Variants in IQSEC1 observed in about 807,000 individuals in gnomAD.
IQSEC1 encodes the protein IQ motif and SEC7 domain-containing protein 1.
IQSEC1 carries 31 observed loss-of-function variants against 91.0 expected under a neutral mutation model. The ratio of observed to expected loss-of-function variants is 0.34; its 90% CI spans 0.26 to 0.46. The LOEUF (loss-of-function observed/expected upper bound fraction) is 0.46, where lower values mean the gene tolerates loss of function less well. Among genes scored for constraint, IQSEC1 ranks in the 20% least tolerant of loss-of-function variants. The pLI, the probability that IQSEC1 is intolerant of heterozygous loss-of-function variation, is 1.00. For synonymous variants in IQSEC1, 699 were observed against 662.6 expected (o/e 1.05, Z -0.84); for missense variants, 1,388 against 1,575.6 (o/e 0.88, Z 2.02).
intron 2 of IQSEC1, among the ~76,000 whole-genome samples, chr3:13,120,415 T>C (rs1302624044): frequency 6.6e-6 from 1 of 152,142 alleles, no homozygotes; most frequent in East Asian, 1.9e-4. Context: ...AGGGCAAGGA[T>C]GGAGGAAAGG....
chr3:13,070,307 G>A (rs462229), intron 1 of IQSEC1, among the ~76,000 whole-genome samples: 78,515 of 152,036 alleles, frequency 0.52, 20,501 homozygotes, highest in East Asian at 0.66. Flanking sequence ...TCTGTAAAAC[G>A]GGATCGACAG....
intron 2 of IQSEC1, among the ~76,000 whole-genome samples, chr3:13,101,355 T>C (rs1465772229): frequency 6.8e-6 from 1 of 146,832 alleles, no homozygotes; most frequent in Non-Finnish European, 1.5e-5. Context: ...GTGGCGGGCG[T>C]CTCCAATGAG....
chr3:12,908,654 T>C lies in IQSEC1; in HGVS notation c.2579-129A>G. ...GCTTGGAATGGGGAAGGGTTGTTTC[T>C]GGGAAAGAGGGTGTGATGGCCACCC... On this transcript the variant is annotated intron_variant, in intron 11 of 13. Coordinates refer to ENST00000613206, the MANE Select transcript of IQSEC1 (RefSeq NM_001134382.3). The surrounding 1 kb of genome is among the most constrained non-coding windows in gnomAD (Gnocchi z 4.9). 9.6e-7 allele frequency: 1 copy of C among 1,037,962 alleles called. No individual in the cohort carries two copies. The highest frequency in any genetic ancestry group is 1.5e-5 in the South Asian group (1 of 67,844). The allele number at this position is 1,037,962 out of a possible 1,614,324, so 64.3% of individuals were successfully genotyped here.
chr3:13,257,278 G>A (rs1695306722), intron 1 of IQSEC1, among the ~76,000 whole-genome samples: 1 of 152,174 alleles, frequency 6.6e-6, no homozygotes, highest in African/African-American at 2.4e-5. Flanking sequence ...CCCCTGAGAA[G>A]CTTCCCCAGT....
intron 1 of IQSEC1, among the ~76,000 whole-genome samples, chr3:13,186,453 G>A (rs1290547048): frequency 2.0e-5 from 3 of 152,180 alleles, no homozygotes; most frequent in Admixed American, 6.5e-5. Flanking sequence ...GAAAGAAGTC[G>A]GCTGGGAGTG....
In IQSEC1 at chr3:13,126,407, G is replaced by T. The variant is rs116529093; in HGVS notation, c.302+37697C>A. Among the ~76,000 whole-genome samples, 369 of 152,288 alleles carry T rather than the reference G, an allele frequency of 2.4e-3. 5 individuals are homozygous for T. The highest frequency in any genetic ancestry group is 8.7e-3 in the African/African-American group (361 of 41,550). On this transcript the variant is annotated intron_variant, in intron 2 of 15. Coordinates refer to the IQSEC1 transcript ENST00000648114. ...CCACTGTACGGATGTCCTACCCCTC[G>T]CTTATCCTTTAGCCCTTTGAGGGGT... is the stretch of plus-strand genomic sequence containing the variant.
Position 12,915,138 on chromosome 3 carries a change from G to A in IQSEC1, c.2161-5C>T, listed in dbSNP as rs199956856. ...CCCGGGATGCAGGGATCCGATCTGC[G>A]GGAGAATGTGAAACCAACAAAAGGG... On this transcript the variant is annotated splice_polypyrimidine_tract_variant and splice_region_variant and intron_variant, in intron 7 of 13. Transcript: ENST00000613206. 2.2e-5 allele frequency: 35 copies of A among 1,608,334 alleles called. No individual in the cohort carries two copies. Among genetic ancestry groups the A allele is most frequent in the African/African-American group, 2.7e-5 (2 of 74,920 alleles).
At chr3:13,006,339 C>T (rs1702634377) in intron 1 of IQSEC1, among the ~76,000 whole-genome samples, 2 of 152,168 alleles carry the variant, frequency 1.3e-5, no homozygotes, top group Admixed American at 6.5e-5. Flanking sequence ...GATTGGGGCA[C>T]GTGGAGGGAA....
At chr3:13,062,549 C>T (rs962842938) in intron 1 of IQSEC1, among the ~76,000 whole-genome samples, 3 of 152,108 alleles carry the variant, frequency 2.0e-5, no homozygotes, top group African/African-American at 7.2e-5. Flanking sequence ...TGATTACCCC[C>T]AGATCTTGGA....
intron 1 of IQSEC1, among the ~76,000 whole-genome samples, chr3:13,171,110 A>AAAC (rs1553571275): frequency 1.7e-4 from 25 of 150,760 alleles, no homozygotes; most frequent in African/African-American, 6.2e-4. Context: ...AAAAAAACAA[A>AAAC]AAAAACAAAA....
At chr3:13,089,623 G>A (rs1559252712) in intron 2 of IQSEC1, among the ~76,000 whole-genome samples, 1 of 152,162 alleles carries the variant, frequency 6.6e-6, no homozygotes, top group Non-Finnish European at 1.5e-5. Context: ...ACCGATATAT[G>A]TGGCAACATG....
intron 2 of IQSEC1, among the ~76,000 whole-genome samples, chr3:13,133,926 C>T (rs774598507): frequency 3.5e-4 from 53 of 152,302 alleles, no homozygotes; most frequent in Non-Finnish European, 8.8e-5. Flanking sequence ...GCATTTGCTG[C>T]GGGAAGACAC....
intron 1 of IQSEC1, among the ~76,000 whole-genome samples, chr3:13,012,469 AT>A (rs1463973691): frequency 6.6e-6 from 1 of 152,136 alleles, no homozygotes; most frequent in Non-Finnish European, 1.5e-5. Context: ...ATGTGTAGTC[AT>A]TTCCTCTTTT....
At chr3:13,215,290 G>A (rs560567719) in intron 1 of IQSEC1, among the ~76,000 whole-genome samples, 50 of 151,248 alleles carry the variant, frequency 3.3e-4, no homozygotes, top group Non-Finnish European at 6.9e-4. Context: ...AAATCCACAC[G>A]GCTGCCTGAT....
chr3:13,158,898 G>GT (rs1273151893), intron 2 of IQSEC1, among the ~76,000 whole-genome samples: 1 of 152,050 alleles, frequency 6.6e-6, no homozygotes, highest in African/African-American at 2.4e-5. Context: ...GGAGGCGGAG[G>GT]TTGCAGTGAG....
chr3:13,240,090 C>G (rs1238564272), intron 1 of IQSEC1, among the ~76,000 whole-genome samples: 2 of 151,946 alleles, frequency 1.3e-5, no homozygotes, highest in Non-Finnish European at 2.9e-5. Flanking sequence ...AAAAACAAAC[C>G]TTGGCCGGCC....
intron 1 of IQSEC1, among the ~76,000 whole-genome samples, chr3:12,945,217 G>C (rs574562441): frequency 6.6e-6 from 1 of 152,136 alleles, no homozygotes; most frequent in Non-Finnish European, 1.5e-5. Flanking sequence ...GGATAGGATT[G>C]CAATGGTGGT....
At chr3:13,156,064 C>T (rs1209656865) in intron 2 of IQSEC1, among the ~76,000 whole-genome samples, 2 of 129,872 alleles carry the variant, frequency 1.5e-5, no homozygotes, top group South Asian at 2.5e-4. Context: ...ACTAAAAATA[C>T]AAAAAAAAAA....
rs573950422 is a variant in IQSEC1, at chr3:13,179,591, T to C, written c.273-15458A>G. On this transcript the variant is annotated intron_variant, in intron 1 of 15. Transcript: ENST00000648114. ...TTCAAAATGAGAGGTGACAGCGTGCTGGCAGTCCTCACAGCCCTCGCTCGC... is the reference window on the plus strand; with the variant it reads ...TTCAAAATGAGAGGTGACAGCGTGCCGGCAGTCCTCACAGCCCTCGCTCGC... Among the ~76,000 whole-genome samples the C allele has an allele frequency of 4.5e-4, 69 of 152,394 alleles. 1 individual carries two copies. The highest frequency in any genetic ancestry group is 1.6e-4 in the Non-Finnish European group (11 of 68,032).
Sources: gnomAD v4.1 joint callset for allele counts (sites outside exome capture counted in the v4.1 genomes callset) on GRCh38, gnomAD v4.1.1 for gene constraint, Gnocchi (gnomAD v3.1) non-coding constraint, MANE v1.5 for transcripts, NCBI Gene and HGNC (gene_info 2026-07-23, HGNC 2026-07-21) for gene names.